C11orf65: variants seen among roughly 807,000 people sequenced by gnomAD.
C11orf65 encodes the protein chromosome 11 open reading frame 65.
C11orf65 carries 38 observed loss-of-function variants against 35.3 expected under a neutral mutation model. That is an observed-to-expected ratio of 1.08 (90% CI 0.83 to 1.41). The LOEUF (loss-of-function observed/expected upper bound fraction) is 1.41, where lower values mean the gene tolerates loss of function less well. Ranked by LOEUF, C11orf65 falls within the 40% of genes most tolerant of loss-of-function variation. The probability of loss-of-function intolerance (pLI) is 0.00; values close to 1 mark genes in which losing one functional copy is unlikely to be tolerated. For missense variants in C11orf65, 370 were observed against 367.1 expected, an observed-to-expected ratio of 1.01 and a Z score of -0.06; for synonymous variants, 105 against 114.4, an observed-to-expected ratio of 0.92 and a Z score of 0.53.
intron 2 of C11orf65, among the ~76,000 whole-genome samples, chr11:108,437,112 G>T: frequency 7.7e-6 from 1 of 130,006 alleles, no homozygotes. Context: ...AAAAAAAAAG[G>T]GGGGGGGTGG....
intron 7 of C11orf65, among the ~76,000 whole-genome samples, chr11:108,386,901 G>A (rs918607664): frequency 2.0e-5 from 3 of 151,918 alleles, no homozygotes; most frequent in African/African-American, 7.3e-5. Flanking sequence ...CTAACACGGT[G>A]AAACCCCATC....
At chr11:108,310,297 T>G (rs2084039227) in intron 6 of C11orf65, 1 of 1,613,266 alleles carries the variant, frequency 6.2e-7, no homozygotes, top group Admixed American at 1.7e-5. Context: ...AAGAAAAGTA[T>G]GGATGATCAA....
chr11:108,361,964 A>C (rs1420568585), intron 2 of C11orf65, among the ~76,000 whole-genome samples: 9 of 137,198 alleles, frequency 6.6e-5, no homozygotes, highest in Non-Finnish European at 1.3e-4. Flanking sequence ...TAATTAAACT[A>C]AAGAGCTTCT....
At chr11:108,414,548 A>T (rs1318073395) in intron 3 of C11orf65, among the ~76,000 whole-genome samples, 1 of 152,120 alleles carries the variant, frequency 6.6e-6, no homozygotes, top group Non-Finnish European at 1.5e-5. Context: ...TATCTCTATT[A>T]AAGAAATAGA....
chr11:108,317,421 G>T lies in C11orf65; in HGVS notation c.641-8350C>A, dbSNP rs1060501586. On this transcript the variant is annotated intron_variant, in intron 6 of 6. Transcript: ENST00000525729. The stretch of plus-strand genomic sequence containing the variant: ...CCATATTCTTTCCGTCTATTTAAAA[G>T]GATTGGATTATGAAAATAAAGACTG... 6.2e-7 allele frequency: 1 copy of T among 1,612,234 alleles called. No homozygotes were observed.
At chr11:108,408,362 T>A (rs940315398) in intron 3 of C11orf65, among the ~76,000 whole-genome samples, 3 of 152,100 alleles carry the variant, frequency 2.0e-5, no homozygotes, top group Non-Finnish European at 4.4e-5. Flanking sequence ...TTAGCTATTG[T>A]TAAATTTAAA....
intron 7 of C11orf65, among the ~76,000 whole-genome samples, chr11:108,388,845 C>G (rs1424794258): frequency 6.6e-6 from 1 of 152,228 alleles, no homozygotes; most frequent in African/African-American, 2.4e-5. Flanking sequence ...CAACATAGCT[C>G]TGGATACAGG....
rs536194346 is a variant in C11orf65 at position 108,309,255 on chromosome 11, C to G, written c.641-184G>C. 2.0e-5 allele frequency among the ~76,000 whole-genome samples: 3 copies of G among 152,310 alleles called. No homozygotes were observed. The South Asian group carries it at 6.2e-4, about 32-fold the overall frequency. On this transcript the variant is annotated intron_variant, in intron 6 of 6. Coordinates refer to the C11orf65 transcript ENST00000525729. ...TTTGAACCTCAGTCTTATCATCTTT[C>G]AAAATCAGAATAATGTCTGTAGTGT...
intron 6 of C11orf65, among the ~76,000 whole-genome samples, chr11:108,325,078 G>A (rs1350759260): frequency 6.6e-6 from 1 of 151,976 alleles, no homozygotes; most frequent in Non-Finnish European, 1.5e-5. Flanking sequence ...TTTGATGTTT[G>A]TCATCTGTGA....
At chr11:108,366,911 C>T (rs887323069) in intron 2 of C11orf65, 1 of 225,750 alleles carries the variant, frequency 4.4e-6, no homozygotes, top group Non-Finnish European at 8.8e-6. Flanking sequence ...AGCTAAAAGC[C>T]GTGGGTTAAT....
rs797045030 is a variant in C11orf65 at position 108,315,864 on chromosome 11, T to TA, written c.641-6794dup. 6.2e-7 allele frequency: 1 copy of TA among 1,613,516 alleles called. No individual in the cohort carries two copies. Among genetic ancestry groups the TA allele is most frequent in the Non-Finnish European group, 8.5e-7 (1 of 1,179,410 alleles). ...TCTACAGAAGTATAGGGGAGCCAGA[T>TA]AGTTTGTATGGCTGTGGTGGAGGGA... On this transcript the variant is annotated intron_variant, in intron 6 of 6. Coordinates refer to the C11orf65 transcript ENST00000525729.
chr11:108,432,794 A>G (rs2093007630), intron 2 of C11orf65, among the ~76,000 whole-genome samples: 1 of 152,094 alleles, frequency 6.6e-6, no homozygotes, highest in South Asian at 2.1e-4. Flanking sequence ...CCCAAATAAA[A>G]CTCCAAATTG....
At chr11:108,448,282 T>A in intron 2 of C11orf65, among the ~76,000 whole-genome samples, 1 of 152,198 alleles carries the variant, frequency 6.6e-6, no homozygotes. Flanking sequence ...TAACTCTTTT[T>A]ATGAGGCCAG....
intron 2 of C11orf65, chr11:108,354,702 G>C: frequency 1.0e-6 from 1 of 990,004 alleles, no homozygotes; most frequent in South Asian, 1.3e-5. Context: ...CAGATATGTA[G>C]ATTATTAAGC....
chr11:108,332,905 GT>G lies in C11orf65; in HGVS notation c.300-1339del, dbSNP rs587781324. The G allele has an allele frequency of 8.1e-6, 13 of 1,610,286 alleles. No homozygotes were observed. Among genetic ancestry groups the G allele is most frequent in the African/African-American group, 5.3e-5 (4 of 74,776 alleles). Reference sequence around the variant, plus strand: ...CTCAGTGGAAGACTCAGAGAAGTATGTTTTTTTTAAAGAAGAAACGTTACTT... The same window carrying G: ...CTCAGTGGAAGACTCAGAGAAGTATGTTTTTTTAAAGAAGAAACGTTACTT... On this transcript the variant is annotated intron_variant, in intron 3 of 3. Coordinates refer to the C11orf65 transcript ENST00000524755.
chr11:108,392,629 C>T (rs887464795), intron 7 of C11orf65, among the ~76,000 whole-genome samples: 2 of 152,162 alleles, frequency 1.3e-5, no homozygotes, highest in African/African-American at 4.8e-5. Context: ...TTCCCACTAG[C>T]AGTGTATGAG....
chr11:108,416,250 A>C (rs1303328723), intron 3 of C11orf65, among the ~76,000 whole-genome samples: 1 of 152,234 alleles, frequency 6.6e-6, no homozygotes, highest in East Asian at 1.9e-4. Flanking sequence ...AACCTTCACT[A>C]TAAGAAAACA....
chr11:108,451,609 C>T (rs1238961645), intron 2 of C11orf65, among the ~76,000 whole-genome samples: 1 of 151,888 alleles, frequency 6.6e-6, no homozygotes, highest in Non-Finnish European at 1.5e-5. Context: ...CAATGCCATC[C>T]CCATCAAGCT....
intron 6 of C11orf65, among the ~76,000 whole-genome samples, chr11:108,396,537 A>G (rs1280122248): frequency 6.6e-6 from 1 of 152,026 alleles, no homozygotes; most frequent in Admixed American, 6.6e-5. Context: ...AACTCTTTTA[A>G]AATGTTACTA....
Sources: gnomAD v4.1 joint callset for allele counts (sites outside exome capture counted in the v4.1 genomes callset) on GRCh38, gnomAD v4.1.1 for gene constraint, MANE v1.5 for transcripts, NCBI Gene and HGNC (gene_info 2026-07-23, HGNC 2026-07-21) for gene names.